LRRC7: variants seen among roughly 807,000 people sequenced by gnomAD.
LRRC7 encodes leucine rich repeat containing 7, also known as leucine-rich repeat-containing protein 7.
Under a neutral mutation model 175.7 loss-of-function variants are expected in LRRC7, and 23 were observed. The ratio of observed to expected loss-of-function variants is 0.13; its 90% CI spans 0.09 to 0.19. The LOEUF (loss-of-function observed/expected upper bound fraction) is 0.19, where lower values mean the gene tolerates loss of function less well. Ranked by LOEUF, LRRC7 falls within the 10% of genes least tolerant of loss-of-function variation. The probability of loss-of-function intolerance (pLI) is 1.00; values close to 1 mark genes in which losing one functional copy is unlikely to be tolerated. For synonymous variants in LRRC7, 685 were observed against 680.9 expected (o/e 1.01, Z -0.09); for missense variants, 1,354 against 1,904.7 (o/e 0.71, Z 5.38).
At chr1:69,745,582 A>G (rs971965246) in intron 2 of LRRC7, among the ~76,000 whole-genome samples, 18 of 152,004 alleles carry the variant, frequency 1.2e-4, no homozygotes, top group Non-Finnish European at 2.5e-4. Flanking sequence ...TAGTAGACAT[A>G]TCACAACAGA....
chr1:69,675,566 T>C (rs1053365474), intron 1 of LRRC7, among the ~76,000 whole-genome samples: 5 of 152,176 alleles, frequency 3.3e-5, no homozygotes, highest in African/African-American at 1.2e-4. Context: ...TTTGCTATAA[T>C]TTACTATCTT....
intron 1 of LRRC7, among the ~76,000 whole-genome samples, chr1:69,602,337 C>T (rs1647109297): frequency 6.6e-6 from 1 of 152,070 alleles, no homozygotes; most frequent in Non-Finnish European, 1.5e-5. Flanking sequence ...TGTAGCTTTG[C>T]ATTAGAATAT....
chr1:69,733,866 C>A (rs1667836585), intron 2 of LRRC7, among the ~76,000 whole-genome samples: 1 of 151,998 alleles, frequency 6.6e-6, no homozygotes, highest in Non-Finnish European at 1.5e-5. Context: ...TGTCATCATA[C>A]TTTCTTTTTA....
chr1:69,887,634 T>C (rs1485008942), intron 7 of LRRC7, among the ~76,000 whole-genome samples: 21 of 152,310 alleles, frequency 1.4e-4, no homozygotes, highest in Non-Finnish European at 2.4e-4. Flanking sequence ...AGTCATTCTC[T>C]GTCCAGCTTT....
chr1:69,916,262 A>T (rs973099825), intron 7 of LRRC7, among the ~76,000 whole-genome samples: 2 of 133,968 alleles, frequency 1.5e-5, no homozygotes, highest in South Asian at 4.3e-4. Flanking sequence ...AAATATAAAT[A>T]TAAAATATAA....
At chr1:69,620,889 A>C (rs55688020) in intron 1 of LRRC7, among the ~76,000 whole-genome samples, 3,680 of 152,248 alleles carry the variant, frequency 0.024, 127 homozygotes, top group African/African-American at 0.084. Context: ...CAAATATCTT[A>C]TGAGGTAGTT....
intron 2 of LRRC7, among the ~76,000 whole-genome samples, chr1:69,722,790 T>G (rs1740915): frequency 0.44 from 66,651 of 151,806 alleles, 14,896 homozygotes; most frequent in Admixed American, 0.5. Context: ...TTGACTTTTT[T>G]TATTGTTGGT....
At chr1:69,667,663 T>G (rs1658464173) in intron 1 of LRRC7, among the ~76,000 whole-genome samples, 1 of 152,220 alleles carries the variant, frequency 6.6e-6, no homozygotes, top group African/African-American at 2.4e-5. Flanking sequence ...AATATCTTTT[T>G]TCTGTCCCTT....
chr1:69,678,619 C>T, intron 2 of LRRC7, 141 bp downstream of exon 2: 1 of 610,588 alleles, frequency 1.6e-6, no homozygotes, highest in Admixed American at 2.7e-5. Context: ...AATAAGTTAC[C>T]ATATGTTACC....
At chr1:69,994,830 C>G (rs1654777466) in intron 11 of LRRC7, among the ~76,000 whole-genome samples, 197 bp downstream of exon 11, 1 of 151,874 alleles carries the variant, frequency 6.6e-6, no homozygotes. Flanking sequence ...ATTTGATATC[C>G]AACTTTATAA....
chr1:70,129,793 A>G lies in LRRC7; in HGVS notation c.*7906A>G, dbSNP rs1666594527. Among the ~76,000 whole-genome samples, 1 of 152,174 alleles carries G rather than the reference A, an allele frequency of 6.6e-6. No homozygotes were observed. The highest frequency in any genetic ancestry group is 1.5e-5 in the Non-Finnish European group (1 of 68,020). ...TGCATGAGATTGGATCACACATACC[A>G]TGTATCATCAACATCTATTCTTCTA... On this transcript the variant is annotated 3_prime_UTR_variant, in exon 27 of 27. Transcript: ENST00000651989.
At position 70,005,961 on chromosome 1, in the gene LRRC7, T is replaced by G. The variant is rs1167148807; in HGVS notation, c.1005-5836T>G. On this transcript the variant is annotated intron_variant, in intron 11 of 26. Transcript: ENST00000651989. ...TCCACAATTATAAAAATAAAGCATC[T>G]GAAAAAATAAAGGTAACCTTTGGTC... Among the ~76,000 whole-genome samples, 2 of 152,056 alleles carry G rather than the reference T, an allele frequency of 1.3e-5. 1 individual carries two copies. The highest frequency in any genetic ancestry group is 2.9e-5 in the Non-Finnish European group (2 of 67,990).
intron 8 of LRRC7, among the ~76,000 whole-genome samples, chr1:69,963,820 A>G (rs1266786148): frequency 6.6e-6 from 1 of 152,206 alleles, no homozygotes; most frequent in African/African-American, 2.4e-5. Flanking sequence ...CATTTTGTAG[A>G]ACCCAGCCCA....
At position 70,142,939 on chromosome 1, in the gene LRRC7, C is replaced by T. The variant is rs867725277; in HGVS notation, c.*21052C>T. On this transcript the variant is annotated 3_prime_UTR_variant, in exon 27 of 27. Coordinates refer to ENST00000651989, the MANE Select transcript of LRRC7 (RefSeq NM_001370785.2). ...TCTATGAAAATTATTTTTTCCTAAA[C>T]GATTTCATAATTGATTACTTTTGAC... is the stretch of plus-strand genomic sequence containing the variant. 6.6e-5 allele frequency: 10 copies of T among 151,772 alleles called. No individual in the cohort carries two copies. Among genetic ancestry groups the T allele is most frequent in the South Asian group, 4.1e-4 (2 of 4,826 alleles). 9.4% of individuals were successfully genotyped at this position (151,772 alleles called of 1,614,324 possible).
chr1:69,749,025 G>A (rs1409022852), intron 2 of LRRC7, among the ~76,000 whole-genome samples: 1 of 152,100 alleles, frequency 6.6e-6, no homozygotes, highest in African/African-American at 2.4e-5. Flanking sequence ...AAGAAACATA[G>A]GTGGAATAGT....
At chr1:69,602,828 C>T (rs181740535) in intron 1 of LRRC7, among the ~76,000 whole-genome samples, 1 of 152,250 alleles carries the variant, frequency 6.6e-6, no homozygotes, top group Admixed American at 6.5e-5. Context: ...ATTATAATAC[C>T]TTATTCTTAC....
At chr1:69,658,884 A>C (rs571712626) in intron 1 of LRRC7, among the ~76,000 whole-genome samples, 2 of 152,064 alleles carry the variant, frequency 1.3e-5, no homozygotes, top group Non-Finnish European at 2.9e-5. Context: ...GAAAGGTATA[A>C]TTAAATAAAC....
At chr1:69,705,460 C>T (rs1360203461) in intron 2 of LRRC7, among the ~76,000 whole-genome samples, 1 of 152,098 alleles carries the variant, frequency 6.6e-6, no homozygotes, top group Non-Finnish European at 1.5e-5. Flanking sequence ...AGAGATAGGC[C>T]TCTAAATTAA....
In LRRC7 at chr1:69,883,458, GTTGT is replaced by G. The variant is rs1449099842; in HGVS notation, c.647+45182_647+45185del. On this transcript the variant is annotated intron_variant, in intron 7 of 26. Coordinates refer to ENST00000651989, the MANE Select transcript of LRRC7 (RefSeq NM_001370785.2). ...TGTCCTTCACCCACTTTTTGATGGG[GTTGT>G]TTGTTTTTTTCTTGTAAATTTGTTT... 2.8e-5 allele frequency among the ~76,000 whole-genome samples: 3 copies of G among 105,868 alleles called. 1 individual carries two copies. The highest frequency in any genetic ancestry group is 1.9e-4 in the Admixed American group (2 of 10,448). The allele number at this position is 105,868 out of a possible 152,430, so 69.5% of individuals were successfully genotyped here.
Sources: gnomAD v4.1 joint callset for allele counts (sites outside exome capture counted in the v4.1 genomes callset) on GRCh38, gnomAD v4.1.1 for gene constraint, MANE v1.5 for transcripts, NCBI Gene and HGNC (gene_info 2026-07-23, HGNC 2026-07-21) for gene names.